The following VSIG10 variants were observed in gnomAD, a reference collection of about 807,000 sequenced individuals.
The protein encoded by VSIG10 is V-set and immunoglobulin domain-containing protein 10.
VSIG10 carries 48 observed loss-of-function variants against 58.7 expected under a neutral mutation model. That is an observed-to-expected ratio of 0.82 (90% CI 0.65 to 1.04). The LOEUF (loss-of-function observed/expected upper bound fraction) is 1.04, where lower values mean the gene tolerates loss of function less well. VSIG10 is among the 50% of genes least tolerant of loss of function. VSIG10 has a pLI of 0.00. For missense variants in VSIG10, 628 were observed against 670.0 expected (o/e 0.94, Z 0.69); for synonymous variants, 260 against 267.1 (o/e 0.97, Z 0.26).
At chr12:118,074,363 C>T (rs1478830414) in intron 4 of VSIG10, among the ~76,000 whole-genome samples, 4 of 152,176 alleles carry the variant, frequency 2.6e-5, no homozygotes, top group Admixed American at 6.5e-5. Flanking sequence ...GGATTACAGG[C>T]GTGAGCCACC....
chr12:118,072,338 G>A (rs1361694506), intron 5 of VSIG10, among the ~76,000 whole-genome samples: 2 of 151,628 alleles, frequency 1.3e-5, no homozygotes, highest in South Asian at 2.1e-4. Flanking sequence ...AGCGGCGGGC[G>A]CCTGCAGTCC....
At chr12:118,098,999 C>CAA (rs2033552040) in intron 1 of VSIG10, among the ~76,000 whole-genome samples, 1 of 151,548 alleles carries the variant, frequency 6.6e-6, no homozygotes, top group Admixed American at 6.6e-5. Context: ...CTCAGCCTCC[C>CAA]AAAGTGCTGG....
chr12:118,087,669 T>C (rs2033165228), intron 2 of VSIG10, among the ~76,000 whole-genome samples: 1 of 151,366 alleles, frequency 6.6e-6, no homozygotes, highest in African/African-American at 2.4e-5. Context: ...AGACCTTGTC[T>C]CTACAAAAAA....
chr12:118,066,494 T>C lies in VSIG10; in HGVS notation c.*145A>G, dbSNP rs2032250427. On this transcript the variant is annotated 3_prime_UTR_variant, in exon 9 of 9. Coordinates refer to ENST00000359236, the MANE Select transcript of VSIG10 (RefSeq NM_019086.6). ...ACATGGAAGGAAAGATGTGTGTGCT[T>C]GGTTTTGTTTTTTGCTGAGACCCAA... The C allele has an allele frequency of 1.3e-6, 1 of 777,774 alleles. No individual in the cohort carries two copies. Among genetic ancestry groups the C allele is most frequent in the African/African-American group, 1.7e-5 (1 of 57,986 alleles). The allele number at this position is 777,774 out of a possible 1,614,324, so 48.2% of individuals were successfully genotyped here.
intron 2 of VSIG10, among the ~76,000 whole-genome samples, chr12:118,090,428 G>T (rs929188872): frequency 2.0e-5 from 3 of 152,244 alleles, no homozygotes; most frequent in Admixed American, 2.0e-4. Flanking sequence ...CACATTCGTA[G>T]ATACCAAAGG....
intron 3 of VSIG10, 76 bp from the exon 4 acceptor site, chr12:118,079,682 C>A: frequency 6.4e-7 from 1 of 1,568,542 alleles, no homozygotes; most frequent in South Asian, 1.2e-5. Flanking sequence ...CTAAGGATGG[C>A]AGAACCAGGG....
intron 4 of VSIG10, among the ~76,000 whole-genome samples, chr12:118,077,459 G>A (rs1387504097): frequency 2.0e-5 from 3 of 151,900 alleles, no homozygotes; most frequent in Non-Finnish European, 2.9e-5. Context: ...TGTACTTTCT[G>A]TCTTCCTTCT....
At chr12:118,099,265 TTAAGG>T (rs1425663278) in intron 1 of VSIG10, among the ~76,000 whole-genome samples, 4 of 151,844 alleles carry the variant, frequency 2.6e-5, no homozygotes, top group African/African-American at 9.6e-5. Context: ...TTTTGTTTGT[TTAAGG>T]TAAAAAACTG....
chr12:118,096,477 C>G (rs1438549843), intron 1 of VSIG10, among the ~76,000 whole-genome samples: 1 of 151,262 alleles, frequency 6.6e-6, no homozygotes, highest in Non-Finnish European at 1.5e-5. Flanking sequence ...ACTAGGGAGG[C>G]TGAAGCAGGA....
At chr12:118,071,546 T>G in intron 5 of VSIG10, 77 bp from the exon 6 acceptor site, 1 of 1,315,632 alleles carries the variant, frequency 7.6e-7, no homozygotes, top group Non-Finnish European at 1.1e-6. Context: ...TTTCTCTGCG[T>G]GGATCCAGTT....
chr12:118,082,104 G>A (rs750272030), intron 3 of VSIG10, 23 bp downstream of exon 3: 1 of 1,607,048 alleles, frequency 6.2e-7, no homozygotes, highest in Non-Finnish European at 8.5e-7. Context: ...AAGAAGCGGG[G>A]CAGAGGAGTG....
At chr12:118,090,605 C>T (rs1402220936) in intron 2 of VSIG10, among the ~76,000 whole-genome samples, 1 of 152,202 alleles carries the variant, frequency 6.6e-6, no homozygotes, top group African/African-American at 2.4e-5. Context: ...ATGCACCACA[C>T]TCAGCTCAAC....
intron 2 of VSIG10, among the ~76,000 whole-genome samples, chr12:118,090,933 G>A (rs1008165530): frequency 6.6e-6 from 1 of 152,014 alleles, no homozygotes; most frequent in South Asian, 2.1e-4. Flanking sequence ...TCAAGAGTTC[G>A]AGACACGCCT....
At position 118,082,338 on chromosome 12, in the gene VSIG10, G is replaced by C; in HGVS notation, c.453C>G (p.Phe151Leu). 1.2e-6 allele frequency: 2 copies of C among 1,614,018 alleles called. No individual in the cohort carries two copies. Among genetic ancestry groups the C allele is most frequent in the South Asian group, 2.2e-5 (2 of 91,090 alleles). ...LYAARGSQVD[F>L]SCNSSSRPPP... ...GTGGCCTGGAGCTGCTGTTGCAGCT[G>C]AAGTCCACCTGGGAGCCCCTGGCTG... is the stretch of plus-strand genomic sequence containing the variant. Residue 151 changes from phenylalanine to leucine, a missense_variant, in exon 3 of 9, where the codon TTC becomes TTG. Transcript: ENST00000359236.
At chr12:118,084,594 G>C (rs1449536845) in intron 2 of VSIG10, among the ~76,000 whole-genome samples, 1 of 151,972 alleles carries the variant, frequency 6.6e-6, no homozygotes, top group Non-Finnish European at 1.5e-5. Context: ...AGATAAGCTT[G>C]GCAGGCCAGG....
chr12:118,075,184 GTA>G (rs33966824), intron 4 of VSIG10, among the ~76,000 whole-genome samples: 80,239 of 147,902 alleles, frequency 0.54, 22,258 homozygotes, highest in East Asian at 0.84. Flanking sequence ...ATATATGTGT[GTA>G]TATATATATG....
At chr12:118,084,075 G>A (rs532968070) in intron 2 of VSIG10, among the ~76,000 whole-genome samples, 1 of 151,774 alleles carries the variant, frequency 6.6e-6, no homozygotes, top group Non-Finnish European at 1.5e-5. Context: ...AGCTGTGATT[G>A]TGCCAGTACA....
intron 1 of VSIG10, 55 bp downstream of exon 1, chr12:118,103,538 T>A (rs1262528487): frequency 1.4e-6 from 2 of 1,469,036 alleles, no homozygotes; most frequent in Non-Finnish European, 1.8e-6. Context: ...CGCTGTCCCC[T>A]CCCCACCGCT....
At chr12:118,084,658 C>T (rs1476941015) in intron 2 of VSIG10, among the ~76,000 whole-genome samples, 3 of 152,062 alleles carry the variant, frequency 2.0e-5, no homozygotes. Flanking sequence ...GTGGGTGGAT[C>T]GCTTGAGGTC....
Sources: allele counts gnomAD v4.1 joint callset (sites outside exome capture counted in the v4.1 genomes callset), GRCh38; gene constraint gnomAD v4.1.1; transcripts MANE v1.5; gene names NCBI Gene and HGNC (gene_info 2026-07-23, HGNC 2026-07-21).